POLR3B: variants seen among roughly 807,000 people sequenced by gnomAD.
The protein encoded by POLR3B is DNA-directed RNA polymerase III subunit RPC2.
In POLR3B, 96 loss-of-function variants were observed where a neutral mutation model predicts 147.4. The observed-to-expected ratio is 0.65, with a 90% confidence interval of 0.55 to 0.77. The LOEUF (loss-of-function observed/expected upper bound fraction) is 0.77, where lower values mean the gene tolerates loss of function less well. POLR3B is among the 30% of genes least tolerant of loss of function. POLR3B has a pLI of 0.00. For synonymous variants in POLR3B, 461 were observed against 485.9 expected (o/e 0.95, Z 0.67); for missense variants, 1,036 against 1,413.5 (o/e 0.73, Z 4.28).
At chr12:106,455,647 A>G (rs2037854982) in intron 20 of POLR3B, among the ~76,000 whole-genome samples, 1 of 152,174 alleles carries the variant, frequency 6.6e-6, no homozygotes, top group Non-Finnish European at 1.5e-5. Context: ...TTTGAAGAAA[A>G]CACTTCTTGA....
Position 106,455,455 on chromosome 12 carries a change from C to T in POLR3B, c.2293+744C>T, listed in dbSNP as rs549670339. Among the ~76,000 whole-genome samples the T allele has an allele frequency of 6.6e-5, 10 of 152,140 alleles. No individual in the cohort carries two copies. In the East Asian group the frequency reaches 1.9e-3, roughly 29 times the overall value. ...TTAATTTATGCCTCTTTTTTTCCTCCAAATGACAACAGCCATGCTTTAAAA... is the reference window on the plus strand; with the variant it reads ...TTAATTTATGCCTCTTTTTTTCCTCTAAATGACAACAGCCATGCTTTAAAA... On this transcript the variant is annotated intron_variant, in intron 20 of 27. Coordinates refer to ENST00000228347, the MANE Select transcript of POLR3B (RefSeq NM_018082.6).
chr12:106,421,725 A>G (rs1277634218), intron 12 of POLR3B, among the ~76,000 whole-genome samples: 2 of 151,934 alleles, frequency 1.3e-5, no homozygotes, highest in Non-Finnish European at 2.9e-5. Flanking sequence ...TTTGAGACAG[A>G]GTCTGGCTCT....
At chr12:106,500,970 T>A (rs1419386523) in intron 25 of POLR3B, among the ~76,000 whole-genome samples, 1 of 152,164 alleles carries the variant, frequency 6.6e-6, no homozygotes, top group Non-Finnish European at 1.5e-5. Context: ...GAATAGATTG[T>A]TGAGGGATGA....
chr12:106,467,368 T>A (rs1592757739), intron 23 of POLR3B, among the ~76,000 whole-genome samples: 1 of 152,204 alleles, frequency 6.6e-6, no homozygotes, highest in African/African-American at 2.4e-5. Flanking sequence ...ACGATGGGGT[T>A]TTCTAAATAC....
intron 9 of POLR3B, among the ~76,000 whole-genome samples, chr12:106,392,212 G>C (rs926580342): frequency 3.3e-5 from 5 of 151,926 alleles, no homozygotes; most frequent in Non-Finnish European, 7.4e-5. Flanking sequence ...GCCCAGGCTG[G>C]AGTGCAATGG....
chr12:106,397,950 C>T (rs1265934494), intron 10 of POLR3B, among the ~76,000 whole-genome samples: 2 of 152,248 alleles, frequency 1.3e-5, no homozygotes, highest in Non-Finnish European at 2.9e-5. Flanking sequence ...TTCTGCCTTT[C>T]CAACTGAGAT....
At position 106,386,774 on chromosome 12, in the gene POLR3B, G is replaced by A. The variant is rs893172227; in HGVS notation, c.724-6257G>A. Among the ~76,000 whole-genome samples, 4 of 152,064 alleles carry A rather than the reference G, an allele frequency of 2.6e-5. No homozygotes were observed. In the South Asian group the frequency reaches 8.3e-4, roughly 32 times the overall value. On this transcript the variant is annotated intron_variant, in intron 9 of 27. Transcript: ENST00000228347. ...TACAAAAAATTAGCTGGGCATGGTG[G>A]CAGGTGCCTGTAGTCCCAGCTACTC...
chr12:106,439,907 A>C (rs890722432), intron 18 of POLR3B, among the ~76,000 whole-genome samples: 1 of 152,040 alleles, frequency 6.6e-6, no homozygotes, highest in Non-Finnish European at 1.5e-5. Flanking sequence ...AAATAAAAAA[A>C]AGTTAGCCAA....
chr12:106,464,705 A>G (rs2037983609), intron 23 of POLR3B, among the ~76,000 whole-genome samples: 2 of 152,132 alleles, frequency 1.3e-5, no homozygotes, highest in East Asian at 1.9e-4. Context: ...CTTGACTCTC[A>G]CATTTGCTTA....
At chr12:106,380,975 A>G (rs1565878585) in intron 9 of POLR3B, among the ~76,000 whole-genome samples, 1 of 152,230 alleles carries the variant, frequency 6.6e-6, no homozygotes, top group Non-Finnish European at 1.5e-5. Flanking sequence ...TGTATACTAT[A>G]CTGTAGTCTG....
At chr12:106,436,088 C>T (rs924947830) in intron 16 of POLR3B, among the ~76,000 whole-genome samples, 4 of 152,168 alleles carry the variant, frequency 2.6e-5, no homozygotes, top group Non-Finnish European at 5.9e-5. Flanking sequence ...CTGTGGATTT[C>T]CATGAAAAGC....
At chr12:106,469,351 G>C (rs1195680603) in intron 23 of POLR3B, among the ~76,000 whole-genome samples, 2 of 148,200 alleles carry the variant, frequency 1.3e-5, no homozygotes, top group Non-Finnish European at 3.0e-5. Flanking sequence ...GTCTCTGCAT[G>C]TGAGATGGGT....
chr12:106,502,101 A>AT (rs997381813), intron 26 of POLR3B, among the ~76,000 whole-genome samples: 1 of 152,188 alleles, frequency 6.6e-6, no homozygotes, highest in Non-Finnish European at 1.5e-5. Context: ...GCCAGGGATG[A>AT]TTTTGCCTCC....
intron 2 of POLR3B, among the ~76,000 whole-genome samples, chr12:106,364,874 G>A (rs1431290300): frequency 6.6e-6 from 1 of 152,198 alleles, no homozygotes; most frequent in Non-Finnish European, 1.5e-5. Flanking sequence ...GGTGGCTCAC[G>A]CCTGTAATCC....
Position 106,459,280 on chromosome 12 carries a change from G to C in POLR3B, c.2482G>C (p.Val828Leu), listed in dbSNP as rs749516917. The change falls in exon 22 of 28, where the codon GTA becomes CTA. Residue 828 changes from valine (V) to leucine (L), a missense_variant. By Grantham distance (32) the Val-to-Leu change is conservative (BLOSUM62 1). Transcript: ENST00000228347. Reference sequence around the variant, plus strand: ...GAAAGTAGAAAACAAACAAGTGCTTGTAAATAAGTCCATGCCCACAGTGAC... The same window carrying C: ...GAAAGTAGAAAACAAACAAGTGCTTCTAAATAAGTCCATGCCCACAGTGAC... ...GEKVENKQVL[V>L]NKSMPTVTQI... 2 of 1,607,132 alleles carry C rather than the reference G, an allele frequency of 1.2e-6. No individual in the cohort carries two copies. The highest frequency in any genetic ancestry group is 1.3e-5 in the African/African-American group (1 of 74,764).
At chr12:106,420,237 A>G (rs958127520) in intron 12 of POLR3B, among the ~76,000 whole-genome samples, 1 of 152,166 alleles carries the variant, frequency 6.6e-6, no homozygotes, top group African/African-American at 2.4e-5. Context: ...GACATGGGCC[A>G]CACCTCTCAA....
intron 11 of POLR3B, among the ~76,000 whole-genome samples, chr12:106,409,338 G>A (rs1002905492): frequency 7.8e-5 from 9 of 116,096 alleles, no homozygotes; most frequent in African/African-American, 3.2e-4. Context: ...TGTTACGATT[G>A]TAAGAGGGTT....
chr12:106,384,332 A>T (rs544526000), intron 9 of POLR3B, among the ~76,000 whole-genome samples: 1 of 152,302 alleles, frequency 6.6e-6, no homozygotes, highest in East Asian at 1.9e-4. Context: ...CAAGCAAAAT[A>T]AAAAAATAGT....
intron 23 of POLR3B, among the ~76,000 whole-genome samples, chr12:106,484,807 T>C (rs1477632536): frequency 2.0e-5 from 3 of 151,998 alleles, no homozygotes; most frequent in East Asian, 3.9e-4. Flanking sequence ...GATTTAGTTA[T>C]AGGCAGAGAG....
Sources: allele counts gnomAD v4.1 joint callset (sites outside exome capture counted in the v4.1 genomes callset), GRCh38; gene constraint gnomAD v4.1.1; transcripts MANE v1.5; gene names NCBI Gene and HGNC (gene_info 2026-07-23, HGNC 2026-07-21).